The following MAPK10 variants were observed in gnomAD, a reference collection of about 807,000 sequenced individuals.
MAPK10 encodes mitogen-activated protein kinase 10, also known as JNK3 alpha protein kinase.
A neutral mutation model predicts 59.3 loss-of-function variants in MAPK10; 25 were observed. The observed-to-expected ratio is 0.42, with a 90% CI of 0.31 to 0.59. MAPK10 has a LOEUF of 0.59. MAPK10 is among the 20% of genes least tolerant of loss of function. The pLI is 0.15. For missense variants in MAPK10, 351 were observed against 568.9 expected (o/e 0.62, Z 3.90); for synonymous variants, 190 against 200.5 (o/e 0.95, Z 0.44).
chr4:86,588,962 G>C (rs1347692224), intron 1 of MAPK10, among the ~76,000 whole-genome samples: 1 of 152,112 alleles, frequency 6.6e-6, no homozygotes, highest in Non-Finnish European at 1.5e-5. Context: ...AGAACATACA[G>C]GAATTTGAAT....
chr4:86,464,402 G>A (rs1051047362), intron 1 of MAPK10, among the ~76,000 whole-genome samples: 3 of 152,186 alleles, frequency 2.0e-5, no homozygotes, highest in Non-Finnish European at 2.9e-5. Context: ...GCCTATTAAT[G>A]TGATTTCTGA....
intron 1 of MAPK10, among the ~76,000 whole-genome samples, chr4:86,389,170 C>G (rs926534308): frequency 3.3e-5 from 5 of 152,006 alleles, no homozygotes; most frequent in Admixed American, 2.6e-4. Context: ...AGCAGCTCCC[C>G]CCACCCTCTT....
chr4:86,497,083 G>C (rs759812838), intron 1 of MAPK10, among the ~76,000 whole-genome samples: 1 of 151,878 alleles, frequency 6.6e-6, no homozygotes, highest in Non-Finnish European at 1.5e-5. Flanking sequence ...TATTTTTCCT[G>C]CTTTATAAGA....
intron 2 of MAPK10, among the ~76,000 whole-genome samples, chr4:86,244,160 T>G (rs2092928721): frequency 6.6e-6 from 1 of 152,212 alleles, no homozygotes; most frequent in African/African-American, 2.4e-5. Flanking sequence ...TCTAGATGTT[T>G]TTATAGCTCT....
At chr4:86,527,501 A>T (rs1250412103) in intron 1 of MAPK10, among the ~76,000 whole-genome samples, 1 of 151,998 alleles carries the variant, frequency 6.6e-6, no homozygotes, top group African/African-American at 2.4e-5. Context: ...ATTAAAAAGT[A>T]AAAAAACAAC....
At chr4:86,241,566 T>A (rs548109571) in intron 2 of MAPK10, among the ~76,000 whole-genome samples, 4 of 152,164 alleles carry the variant, frequency 2.6e-5, no homozygotes, top group Non-Finnish European at 5.9e-5. Flanking sequence ...CATGTCTTAT[T>A]TCAGTAAGGT....
At chr4:86,502,018 C>T (rs72665719) in intron 1 of MAPK10, among the ~76,000 whole-genome samples, 47,016 of 151,932 alleles carry the variant, frequency 0.31, 7,591 homozygotes, top group Admixed American at 0.36. Context: ...TGGCAGGGCA[C>T]TGCATGGCAG....
At chr4:86,431,862 T>C (rs1400243814) in intron 1 of MAPK10, among the ~76,000 whole-genome samples, 1 of 152,158 alleles carries the variant, frequency 6.6e-6, no homozygotes, top group South Asian at 2.1e-4. Context: ...ATTAGCATGA[T>C]CCGAGGGTGG....
chr4:86,510,408 T>C (rs1289259109), intron 1 of MAPK10, among the ~76,000 whole-genome samples: 2 of 152,110 alleles, frequency 1.3e-5, no homozygotes, highest in African/African-American at 4.8e-5. Flanking sequence ...CCACCACCCC[T>C]GGCCCAATAA....
At chr4:86,358,152 AGCTT>A in intron 1 of MAPK10, 4 of 984,766 alleles carry the variant, frequency 4.1e-6, no homozygotes, top group Non-Finnish European at 4.8e-6. Context: ...TGGAGTCAGA[AGCTT>A]GTGATATACT....
At chr4:86,303,202 C>A (rs1190706423) in intron 2 of MAPK10, among the ~76,000 whole-genome samples, 2 of 152,162 alleles carry the variant, frequency 1.3e-5, no homozygotes, top group African/African-American at 2.4e-5. Context: ...AAGCTTCTTC[C>A]TTCAACTCTT....
intron 9 of MAPK10, among the ~76,000 whole-genome samples, chr4:86,094,786 G>C (rs2053921179): frequency 6.6e-6 from 1 of 151,680 alleles, no homozygotes; most frequent in Non-Finnish European, 1.5e-5. Flanking sequence ...TCTGAGTGAA[G>C]CTAAAGTCAC....
chr4:86,339,183 C>A (rs1316428123), intron 2 of MAPK10, among the ~76,000 whole-genome samples: 1 of 152,096 alleles, frequency 6.6e-6, no homozygotes, highest in African/African-American at 2.4e-5. Context: ...GGGTCTAAAG[C>A]AAATATGTAC....
intron 11 of MAPK10, chr4:86,044,797 C>G (rs768608211): frequency 2.8e-5 from 11 of 397,380 alleles, no homozygotes; most frequent in Non-Finnish European, 4.9e-5. Flanking sequence ...ACCATTGACT[C>G]TGGCACTAGT....
intron 1 of MAPK10, among the ~76,000 whole-genome samples, chr4:86,549,656 A>G (rs758693743): frequency 1.3e-5 from 2 of 152,100 alleles, no homozygotes; most frequent in Non-Finnish European, 2.9e-5. Flanking sequence ...AAACAAAATA[A>G]TTTCCCTAGA....
intron 1 of MAPK10, among the ~76,000 whole-genome samples, chr4:86,417,122 CT>C (rs1270800502): frequency 6.6e-6 from 1 of 152,080 alleles, no homozygotes; most frequent in African/African-American, 2.4e-5. Flanking sequence ...AGTAAAGCTT[CT>C]TTTTTCAATT....
chr4:86,435,888 C>T lies in MAPK10; in HGVS notation c.-122+17142G>A, dbSNP rs548504317. Among the ~76,000 whole-genome samples the T allele has an allele frequency of 4.9e-4, 75 of 152,126 alleles. 1 individual carries two copies. Among genetic ancestry groups the T allele is most frequent in the Non-Finnish European group, 7.8e-4 (53 of 68,018 alleles). ...CAAAACCTTCCAGGACTAACAATAG[C>T]CAGTGCAACTTTGTCTAAAAATCAT... On this transcript the variant is annotated intron_variant, in intron 1 of 13. Transcript: ENST00000361569.
At chr4:86,538,539 T>C (rs1758430522) in intron 1 of MAPK10, among the ~76,000 whole-genome samples, 1 of 152,242 alleles carries the variant, frequency 6.6e-6, no homozygotes, top group African/African-American at 2.4e-5. Context: ...TGGATGCTTT[T>C]AGCCTTTTCC....
rs1470929451 is a variant in MAPK10, at chr4:86,012,794, A to G, written c.*4434T>C. 3 of 152,208 alleles carry G rather than the reference A, an allele frequency of 2.0e-5. No homozygotes were observed. The highest frequency in any genetic ancestry group is 2.0e-4 in the Admixed American group (3 of 15,274). The allele number at this position is 152,208 out of a possible 1,614,324, so 9.4% of individuals were successfully genotyped here. A position where few individuals can be genotyped will look rare whatever the true frequency, so the allele number is the denominator to read the frequency against. ...GACCTTGCAAAGAAACTGGACGTACATGGTTTTGCCTTCCAGGGTTGATCT... is the reference window on the plus strand; with the variant it reads ...GACCTTGCAAAGAAACTGGACGTACGTGGTTTTGCCTTCCAGGGTTGATCT... On this transcript the variant is annotated 3_prime_UTR_variant, in exon 14 of 14. Transcript: ENST00000641462.
Sources: gnomAD v4.1 joint callset for allele counts (sites outside exome capture counted in the v4.1 genomes callset) on GRCh38, gnomAD v4.1.1 for gene constraint, MANE v1.5 for transcripts, NCBI Gene and HGNC (gene_info 2026-07-23, HGNC 2026-07-21) for gene names.